DRC9: variants seen among roughly 807,000 people sequenced by gnomAD.
DRC9 encodes the protein dynein regulatory complex subunit 9.
At chr3:197,917,709 C>G in the DRC9 span, among the ~76,000 whole-genome samples, 1 of 151,420 alleles carries the variant, frequency 6.6e-6, no homozygotes, top group Non-Finnish European at 1.5e-5. Flanking sequence ...CTTCCCTTCT[C>G]CCCTGTCTTC....
the DRC9 span, chr3:197,953,817 A>G: frequency 1.5e-6 from 1 of 651,944 alleles, no homozygotes; most frequent in African/African-American, 1.8e-5. Context: ...TGTATTTTAC[A>G]GAAGGGCCTG....
chr3:197,947,105 C>T, the DRC9 span, among the ~76,000 whole-genome samples: 1 of 152,132 alleles, frequency 6.6e-6, no homozygotes, highest in Non-Finnish European at 1.5e-5. Context: ...GCCAAGGCGC[C>T]CAGGCGGATT....
the DRC9 span, among the ~76,000 whole-genome samples, chr3:197,930,463 C>G: frequency 6.6e-6 from 1 of 151,208 alleles, no homozygotes; most frequent in Non-Finnish European, 1.5e-5. Flanking sequence ...AGGCGTGATC[C>G]TAGCACTTTG....
At chr3:197,941,604 A>T in the DRC9 span, among the ~76,000 whole-genome samples, 2 of 134,166 alleles carry the variant, frequency 1.5e-5, no homozygotes, top group Non-Finnish European at 3.1e-5. Context: ...TCTGTCACCC[A>T]GGTTGGCATG....
chr3:197,912,672 C>T, the DRC9 span: 13 of 1,611,864 alleles, frequency 8.1e-6, no homozygotes, highest in East Asian at 2.7e-4. Context: ...TGTGGGGACC[C>T]ACCTGCTGCT....
chr3:197,928,020 T>C, the DRC9 span, among the ~76,000 whole-genome samples: 2,703 of 152,220 alleles, frequency 0.018, 84 homozygotes, highest in African/African-American at 0.062. Flanking sequence ...GACAGGCTGA[T>C]GGGTGCAGAA....
At chr3:197,951,347 A>T in the DRC9 span, 1 of 1,607,060 alleles carries the variant, frequency 6.2e-7, no homozygotes, top group Non-Finnish European at 8.5e-7. Flanking sequence ...TGGGTTTTTG[A>T]GATCTGCCTC....
the DRC9 span, chr3:197,912,729 T>C: frequency 3.1e-6 from 5 of 1,613,956 alleles, no homozygotes; most frequent in Non-Finnish European, 4.2e-6. Flanking sequence ...GGGCCTCTTC[T>C]TCGGTTTTCA....
At chr3:197,945,473 CTG>C in the DRC9 span, 1 of 592,028 alleles carries the variant, frequency 1.7e-6, no homozygotes, top group East Asian at 3.1e-5. Flanking sequence ...CCCACAGAAA[CTG>C]TGGGAAAGAA....
the DRC9 span, chr3:197,950,773 G>T: frequency 1.6e-6 from 1 of 642,496 alleles, no homozygotes. Flanking sequence ...TGAATGTCTT[G>T]CCGGACCCTG....
chr3:197,938,482 TG>T, the DRC9 span: 1 of 1,159,338 alleles, frequency 8.6e-7, no homozygotes, highest in Non-Finnish European at 1.3e-6. Flanking sequence ...GTCAGCCACC[TG>T]GGCGCCCCTT....
the DRC9 span, among the ~76,000 whole-genome samples, chr3:197,934,183 C>T: frequency 1.4e-3 from 141 of 99,434 alleles, 3 homozygotes; most frequent in African/African-American, 3.4e-3. Context: ...CATTCTGGGT[C>T]TTTTTTTTTT....
chr3:197,915,881 G>A, the DRC9 span, among the ~76,000 whole-genome samples: 1 of 152,124 alleles, frequency 6.6e-6, no homozygotes, highest in South Asian at 2.1e-4. Context: ...CACCTGCCTC[G>A]GTCTCCCAAA....
At chr3:197,933,067 C>A in the DRC9 span, among the ~76,000 whole-genome samples, 1 of 78,090 alleles carries the variant, frequency 1.3e-5, no homozygotes, top group Admixed American at 1.3e-4. Flanking sequence ...ATATATTATA[C>A]ATATATATAT....
chr3:197,954,562 TGC>T, the DRC9 span: 1 of 302,126 alleles, frequency 3.3e-6, no homozygotes, highest in African/African-American at 2.2e-5. Flanking sequence ...CAGGCTGGAG[TGC>T]AGTGGCATGA....
chr3:197,932,285 A>C, the DRC9 span: 1 of 1,611,352 alleles, frequency 6.2e-7, no homozygotes, highest in Admixed American at 1.7e-5. Context: ...ATCTGCAATC[A>C]CATCGCTGAA....
At chr3:197,902,693 A>G in the DRC9 span, among the ~76,000 whole-genome samples, 1 of 152,098 alleles carries the variant, frequency 6.6e-6, no homozygotes, top group Admixed American at 6.6e-5. Context: ...AGGATAAAAG[A>G]AATGGAAAGA....
At chr3:197,918,098 C>CT in the DRC9 span, among the ~76,000 whole-genome samples, 135 of 129,606 alleles carry the variant, frequency 1.0e-3, no homozygotes, top group Middle Eastern at 8.7e-3. Flanking sequence ...GTCAGTGAAT[C>CT]TTTTTTTTTT....
At chr3:197,906,825 A>G in the DRC9 span, 1 of 152,184 alleles carries the variant, frequency 6.6e-6, no homozygotes, top group Non-Finnish European at 1.5e-5. Flanking sequence ...CAGTCCTAAG[A>G]GCTAGGGGAG....
Sources: allele counts gnomAD v4.1 joint callset (sites outside exome capture counted in the v4.1 genomes callset), GRCh38; gene constraint gnomAD v4.1.1; transcripts MANE v1.5; gene names NCBI Gene and HGNC (gene_info 2026-07-23, HGNC 2026-07-21).